CHD7: variants seen among roughly 807,000 people sequenced by gnomAD.
CHD7 encodes ATP-dependent chromatin remodeler CHD7.
CHD7 carries 24 observed loss-of-function variants against 307.3 expected under a neutral mutation model. The ratio of observed to expected loss-of-function variants is 0.08; its 90% confidence interval spans 0.06 to 0.11. The LOEUF is 0.11. Ranked by LOEUF, CHD7 falls within the 10% of genes least tolerant of loss-of-function variation. The pLI is 1.00. For synonymous variants in CHD7, 1,363 were observed against 1,349.9 expected (o/e 1.01, Z -0.21); for missense variants, 3,106 against 3,727.1 (o/e 0.83, Z 4.34).
intron 1 of CHD7, among the ~76,000 whole-genome samples, chr8:60,687,210 C>T (rs1805947798): frequency 6.6e-6 from 1 of 152,098 alleles, no homozygotes; most frequent in East Asian, 1.9e-4. Flanking sequence ...TGAGAAGTCC[C>T]TCGAAGAATT....
intron 8 of CHD7, among the ~76,000 whole-genome samples, chr8:60,818,541 C>T (rs909737607): frequency 6.0e-4 from 91 of 152,198 alleles, no homozygotes; most frequent in African/African-American, 2.0e-3. Context: ...AAAGCCAGTG[C>T]ATTAATACAC....
At chr8:60,842,154 C>A (rs75650362) in intron 21 of CHD7, 102 bp downstream of exon 21, 1 of 916,134 alleles carries the variant, frequency 1.1e-6, no homozygotes, top group Non-Finnish European at 1.6e-6. Context: ...TTGTGTGACA[C>A]CCCTTTGCAC....
chr8:60,776,583 C>G (rs150134382), intron 2 of CHD7, among the ~76,000 whole-genome samples: 9 of 152,196 alleles, frequency 5.9e-5, no homozygotes, highest in African/African-American at 2.2e-4. Flanking sequence ...AGGTGCTCTG[C>G]ACTCTTTCCC....
At chr8:60,706,887 G>C (rs1397754897) in intron 1 of CHD7, among the ~76,000 whole-genome samples, 6 of 152,116 alleles carry the variant, frequency 3.9e-5, no homozygotes, top group Non-Finnish European at 8.8e-5. Flanking sequence ...TGTTACATAT[G>C]TATACATGTG....
intron 1 of CHD7, among the ~76,000 whole-genome samples, chr8:60,733,105 C>T (rs1161073924): frequency 6.6e-6 from 1 of 151,718 alleles, no homozygotes; most frequent in African/African-American, 2.4e-5. Flanking sequence ...TGTGGTGGTA[C>T]ACAACTATAG....
At chr8:60,701,342 T>C (rs945555149) in intron 1 of CHD7, among the ~76,000 whole-genome samples, 1 of 152,230 alleles carries the variant, frequency 6.6e-6, no homozygotes, top group Non-Finnish European at 1.5e-5. Context: ...TTATAATCAG[T>C]ATCTTTATTT....
At chr8:60,847,909 A>G (rs1805285068) in intron 23 of CHD7, among the ~76,000 whole-genome samples, 1 of 152,148 alleles carries the variant, frequency 6.6e-6, no homozygotes, top group South Asian at 2.1e-4. Context: ...AATGTCTAAC[A>G]TAGTATTTCA....
At chr8:60,854,568 T>A in intron 32 of CHD7, 45 bp downstream of exon 32, 1 of 1,517,484 alleles carries the variant, frequency 6.6e-7, no homozygotes, top group Non-Finnish European at 8.9e-7. Flanking sequence ...CAAAAAGGAT[T>A]AGGGTAGAGG....
chr8:60,753,814 G>A (rs554633172), intron 2 of CHD7, among the ~76,000 whole-genome samples: 2 of 151,778 alleles, frequency 1.3e-5, no homozygotes, highest in African/African-American at 4.8e-5. Context: ...TAGTAGAGAC[G>A]GGGTTTCACC....
intron 2 of CHD7, among the ~76,000 whole-genome samples, chr8:60,772,274 C>T (rs760723542): frequency 6.6e-6 from 1 of 152,084 alleles, no homozygotes; most frequent in Non-Finnish European, 1.5e-5. Context: ...TCTGCACAAA[C>T]CCCTGGGATT....
chr8:60,829,925 C>G (rs990585778), intron 14 of CHD7, among the ~76,000 whole-genome samples: 4 of 152,192 alleles, frequency 2.6e-5, no homozygotes, highest in Admixed American at 2.0e-4. Flanking sequence ...GGCTCACTTC[C>G]TCTCATTCTT....
chr8:60,850,162 G>A (rs558898210), intron 25 of CHD7, among the ~76,000 whole-genome samples: 16 of 152,286 alleles, frequency 1.1e-4, no homozygotes, highest in South Asian at 8.3e-4. Context: ...GGAACATTGC[G>A]AATCCTTCTA....
At position 60,742,516 on chromosome 8, in the gene CHD7, A is replaced by G; in HGVS notation, c.1084A>G (p.Met362Val). 6.2e-7 allele frequency: 1 copy of G among 1,614,016 alleles called. No homozygotes were observed. The highest frequency in any genetic ancestry group is 1.1e-5 in the South Asian group (1 of 91,084). The change falls in exon 2 of 38, where the codon ATG (methionine) becomes GTG (valine). Residue 362 changes from methionine (M) to valine (V), a missense_variant. By Grantham distance (21) the Met-to-Val change is conservative. Transcript: ENST00000423902. ...GFPSNSGQGL[M>V]HQQPIHPSGS... ...CCCATCAAACAGTGGTCAAGGACTA[A>G]TGCACCAGCAGCCCATCCACCCCAG...
intron 3 of CHD7, among the ~76,000 whole-genome samples, chr8:60,790,199 T>C (rs887920353): frequency 2.0e-5 from 3 of 152,190 alleles, no homozygotes; most frequent in African/African-American, 7.2e-5. Context: ...GCTTCATGAG[T>C]GGATGGCTCT....
chr8:60,793,099 A>G (rs1185710834), intron 3 of CHD7, among the ~76,000 whole-genome samples: 2 of 152,160 alleles, frequency 1.3e-5, no homozygotes, highest in Non-Finnish European at 2.9e-5. Flanking sequence ...ATGAAAGGAA[A>G]GGGGCCCAGT....
In CHD7 at chr8:60,867,712, G is replaced by C. The variant is rs1806283081; in HGVS notation, c.*1779G>C. 6.6e-6 allele frequency: 1 copy of C among 152,178 alleles called. No homozygotes were observed. Among genetic ancestry groups the C allele is most frequent in the African/African-American group, 2.4e-5 (1 of 41,430 alleles). The allele number at this position is 152,178 out of a possible 1,614,324, so 9.4% of individuals were successfully genotyped here. A position where few individuals can be genotyped will look rare whatever the true frequency, so the allele number is the denominator to read the frequency against. On this transcript the variant is annotated 3_prime_UTR_variant, in exon 38 of 38. Transcript: ENST00000423902. The stretch of plus-strand genomic sequence containing the variant: ...GGTCTAAATTCCTCCCAGACTGTGA[G>C]ATTCAGTTCGTTTATGCCCCAAGAT...
intron 6 of CHD7, among the ~76,000 whole-genome samples, chr8:60,807,819 G>A (rs1812605864): frequency 6.6e-6 from 1 of 152,254 alleles, no homozygotes; most frequent in African/African-American, 2.4e-5. Flanking sequence ...CCATGAGGCA[G>A]CCAAAAATAA....
chr8:60,797,909 T>C (rs1299882163), intron 4 of CHD7, among the ~76,000 whole-genome samples: 1 of 152,232 alleles, frequency 6.6e-6, no homozygotes, highest in African/African-American at 2.4e-5. Flanking sequence ...AAGCTGGAGC[T>C]GATTAATGAT....
chr8:60,846,443 C>T (rs1216320084), intron 23 of CHD7, among the ~76,000 whole-genome samples: 1 of 152,176 alleles, frequency 6.6e-6, no homozygotes, highest in African/African-American at 2.4e-5. Flanking sequence ...TCCTATTAAA[C>T]TAACATCTGC....
Sources: gnomAD v4.1 joint callset for allele counts (sites outside exome capture counted in the v4.1 genomes callset) on GRCh38, gnomAD v4.1.1 for gene constraint, MANE v1.5 for transcripts, NCBI Gene and HGNC (gene_info 2026-07-23, HGNC 2026-07-21) for gene names.